MTSS1: variants seen among roughly 807,000 people sequenced by gnomAD.
The protein encoded by MTSS1 is protein MTSS 1.
A neutral mutation model predicts 79.0 loss-of-function variants in MTSS1; 18 were observed. That is an observed-to-expected ratio of 0.23 (90% CI 0.16 to 0.34). The LOEUF is 0.34. Among genes scored for constraint, MTSS1 ranks in the 10% least tolerant of loss-of-function variants. The pLI, the probability that MTSS1 is intolerant of heterozygous loss-of-function variation, is 1.00. For synonymous variants in MTSS1, 341 were observed against 368.6 expected (o/e 0.93, Z 0.86); for missense variants, 815 against 986.2 (o/e 0.83, Z 2.33).
chr8:124,555,886 C>T lies in MTSS1; in HGVS notation c.1423G>A (p.Ala475Thr). Reference protein sequence around the residue: ...AATRPGEEMEACEELALALSR... With the variant: ...AATRPGEEMETCEELALALSR... ...AGGGCCAGGGCCAGCTCCTCACAAG[C>T]CTCCATCTCCTCACCAGGCTGCAGG... Residue 475 changes from alanine to threonine, a missense_variant, in exon 13 of 14, where the codon GCT becomes ACT. Ala to Thr is a moderately conservative substitution (Grantham distance 58, BLOSUM62 0). Coordinates refer to ENST00000518547, the MANE Select transcript of MTSS1 (RefSeq NM_014751.6). The T allele has an allele frequency of 6.2e-7, 1 of 1,608,874 alleles. No individual in the cohort carries two copies. The highest frequency in any genetic ancestry group is 8.5e-7 in the Non-Finnish European group (1 of 1,179,948).
intron 3 of MTSS1, among the ~76,000 whole-genome samples, chr8:124,669,340 A>T (rs1823703720): frequency 6.6e-6 from 1 of 152,244 alleles, no homozygotes; most frequent in African/African-American, 2.4e-5. Context: ...ATGCTAACTC[A>T]GGGGTGAATA....
intron 3 of MTSS1, among the ~76,000 whole-genome samples, chr8:124,640,958 CAT>C (rs1371346787): frequency 1.3e-5 from 2 of 151,892 alleles, no homozygotes; most frequent in African/African-American, 4.8e-5. Flanking sequence ...TTCCAAAACA[CAT>C]AACTTAGTTT....
chr8:124,642,973 C>T (rs1251493049), intron 3 of MTSS1, among the ~76,000 whole-genome samples: 2 of 152,194 alleles, frequency 1.3e-5, no homozygotes, highest in African/African-American at 2.4e-5. Context: ...TTGAGCCAGC[C>T]ATTGTGAGAA....
At position 124,621,740 on chromosome 8, in the gene MTSS1, G is replaced by A. The variant is rs141926771; in HGVS notation, c.209-30505C>T. Among the ~76,000 whole-genome samples, 241 of 152,172 alleles carry A rather than the reference G, an allele frequency of 1.6e-3. 5 individuals are homozygous for A. The East Asian group carries it at 0.041, about 26-fold the overall frequency. On this transcript the variant is annotated intron_variant, in intron 3 of 13. Transcript: ENST00000518547. ...GTTTTTGTATTTTTAGTAGAGATGG[G>A]GTTTCACCACGTTGGCCAGGCTGGT...
chr8:124,622,871 G>A (rs1813875115), intron 3 of MTSS1, among the ~76,000 whole-genome samples: 1 of 151,836 alleles, frequency 6.6e-6, no homozygotes, highest in African/African-American at 2.4e-5. Context: ...TTCACTAAGT[G>A]TATCAAAACT....
chr8:124,612,574 ATGTGTGTGTGTGTGTGTGTGTGTGTG>A (rs58367314), intron 3 of MTSS1, among the ~76,000 whole-genome samples: 19 of 99,568 alleles, frequency 1.9e-4, no homozygotes, highest in South Asian at 9.0e-4. Context: ...CAAGTTTAAA[ATGTGTGTGTGTGTGTGTGTGTGTGTG>A]TGTGTGTGTG....
chr8:124,673,369 C>G (rs1387121994), intron 3 of MTSS1: 2 of 139,112 alleles, frequency 1.4e-5, no homozygotes, highest in African/African-American at 2.7e-5. Context: ...GGTGACAGAG[C>G]AAGACTCTGT....
At chr8:124,558,761 G>C in intron 10 of MTSS1, 1 of 1,584,814 alleles carries the variant, frequency 6.3e-7, no homozygotes, top group Non-Finnish European at 8.5e-7. Context: ...AGCTGACAGA[G>C]GTGGGGGAGC....
At chr8:124,639,231 G>C (rs867102384) in intron 3 of MTSS1, among the ~76,000 whole-genome samples, 86 of 152,156 alleles carry the variant, frequency 5.7e-4, no homozygotes, top group Admixed American at 1.2e-3. Flanking sequence ...TGAGTTACTC[G>C]GGAGGCTGCG....
intron 3 of MTSS1, among the ~76,000 whole-genome samples, chr8:124,693,854 G>T (rs946280255): frequency 3.9e-5 from 6 of 152,164 alleles, no homozygotes; most frequent in African/African-American, 1.4e-4. Flanking sequence ...TTCATTCATA[G>T]CTAATAAGAA....
In MTSS1 at chr8:124,553,668, A is replaced by G. The variant is rs770808002; in HGVS notation, c.1592T>C (p.Val531Ala). Residue 531 changes from valine to alanine, a missense_variant, in exon 14 of 14, where the codon GTA becomes GCA. Around this residue, in one of 2 missense-constraint regions of MTSS1, gnomAD observed 590 missense variants for 620.8 expected, o/e 0.95. Coordinates refer to ENST00000518547, the MANE Select transcript of MTSS1 (RefSeq NM_014751.6). This position sits in a 1 kb window ranked among gnomAD's most constrained non-coding sequence, Gnocchi z 6.0. Reference protein sequence around the residue: ...SQVSDYDYFSVSGDQEADQQE... With the variant: ...SQVSDYDYFSASGDQEADQQE... Reference sequence around the variant, plus strand: ...CTGATCTGCCTCCTGGTCACCACTTACAGAGAAATAATCATAATCTGAAAC... The same window carrying G: ...CTGATCTGCCTCCTGGTCACCACTTGCAGAGAAATAATCATAATCTGAAAC... 2 of 1,612,484 alleles carry G rather than the reference A, an allele frequency of 1.2e-6. No individual in the cohort carries two copies. The highest frequency in any genetic ancestry group is 2.7e-5 in the African/African-American group (2 of 74,900).
intron 3 of MTSS1, among the ~76,000 whole-genome samples, chr8:124,638,369 C>T (rs371866726): frequency 6.6e-6 from 1 of 152,198 alleles, no homozygotes; most frequent in East Asian, 1.9e-4. Context: ...ATCCACTACC[C>T]CAAACTGGGC....
intron 3 of MTSS1, among the ~76,000 whole-genome samples, chr8:124,606,309 C>T (rs1331560382): frequency 1.3e-5 from 2 of 151,790 alleles, no homozygotes; most frequent in Non-Finnish European, 2.9e-5. Context: ...CAACTACGCC[C>T]AGCTAATTTT....
intron 3 of MTSS1, among the ~76,000 whole-genome samples, chr8:124,621,248 G>A (rs1813447177): frequency 6.6e-6 from 1 of 152,236 alleles, no homozygotes; most frequent in Non-Finnish European, 1.5e-5. Flanking sequence ...TTTTCAACAT[G>A]AGTCACAATA....
At chr8:124,667,415 C>T (rs1206062775) in intron 3 of MTSS1, among the ~76,000 whole-genome samples, 1 of 152,252 alleles carries the variant, frequency 6.6e-6, no homozygotes, top group Admixed American at 6.5e-5. Flanking sequence ...GAGGCCGAGG[C>T]GGGTGGATCA....
intron 6 of MTSS1, among the ~76,000 whole-genome samples, chr8:124,570,121 C>A (rs141884056): frequency 2.0e-4 from 30 of 152,298 alleles, no homozygotes; most frequent in African/African-American, 6.7e-4. Flanking sequence ...TAAAGCACAT[C>A]CCAATAGAAA....
At chr8:124,585,362 T>A (rs1249297875) in intron 5 of MTSS1, among the ~76,000 whole-genome samples, 1 of 152,062 alleles carries the variant, frequency 6.6e-6, no homozygotes, top group Non-Finnish European at 1.5e-5. Context: ...TGCACAGTGG[T>A]CTTGCCCTGT....
At chr8:124,708,105 A>G (rs1830650124) in intron 1 of MTSS1, among the ~76,000 whole-genome samples, 1 of 152,212 alleles carries the variant, frequency 6.6e-6, no homozygotes, top group Non-Finnish European at 1.5e-5. Context: ...ACATTGAAAG[A>G]ATGAAGGAGA....
intron 10 of MTSS1, among the ~76,000 whole-genome samples, chr8:124,562,501 G>A (rs534796796): frequency 1.5e-3 from 197 of 132,434 alleles, no homozygotes; most frequent in African/African-American, 4.7e-3. Flanking sequence ...AGGGACGCCT[G>A]AGAGTGGTCA....
Sources: gnomAD v4.1 joint callset for allele counts (sites outside exome capture counted in the v4.1 genomes callset) on GRCh38, gnomAD v4.1.1 for gene constraint, gnomAD v4.1.1 regional missense constraint, Gnocchi (gnomAD v3.1) non-coding constraint, MANE v1.5 for transcripts, NCBI Gene and HGNC (gene_info 2026-07-23, HGNC 2026-07-21) for gene names.